The following OR52E4 variants were observed in gnomAD, a reference collection of about 807,000 sequenced individuals.
The protein encoded by OR52E4 is olfactory receptor family 52 subfamily E member 4, also known as olfactory receptor 52E4.
For missense variants in OR52E4, 444 were observed against 383.8 expected (o/e 1.16, Z -1.31); for synonymous variants, 169 against 137.4 (o/e 1.23, Z -1.61).
rs113763081 is a variant in OR52E4, at chr11:5,885,207, G to A, written c.915G>A (p.Val305=). ...VRTKQIREQI[V]KIFVQKE ...CCAAGCAGATCCGAGAGCAAATTGT[G>A]AAAATATTTGTACAGAAAGAATAAT... The change falls in exon 2 of 2, where the codon GTG becomes GTA. Residue 305 remains valine, a synonymous_variant. Transcript: ENST00000641726. 1,900 of 1,595,494 alleles carry A rather than the reference G, an allele frequency of 1.2e-3. 29 individuals carry two copies. The African/African-American group carries it at 0.022, about 19-fold the overall frequency.
chr11:5,880,905 C>A (rs1018187872), intron 1 of OR52E4, among the ~76,000 whole-genome samples, 191 bp downstream of exon 1: 4 of 140,700 alleles, frequency 2.8e-5, no homozygotes, highest in Non-Finnish European at 4.7e-5. Flanking sequence ...ATTAGTAATG[C>A]ACAGAATTTC....
Position 5,884,222 on chromosome 11 carries a change from C to T in OR52E4, c.-71C>T, listed in dbSNP as rs1847001623. 1 of 1,089,170 alleles carries T rather than the reference C, an allele frequency of 9.2e-7. No homozygotes were observed. Among genetic ancestry groups the T allele is most frequent in the Non-Finnish European group, 1.4e-6 (1 of 736,992 alleles). 67.5% of individuals were successfully genotyped at this position (1,089,170 alleles called of 1,614,324 possible). On this transcript the variant is annotated 5_prime_UTR_variant, in exon 2 of 2. Transcript: ENST00000641726. ...AAGAGTCTTTCTGTTTCTTCAGGAACTTGACAAGAGAGGACCTTAAAGAAA... is the reference window on the plus strand; with the variant it reads ...AAGAGTCTTTCTGTTTCTTCAGGAATTTGACAAGAGAGGACCTTAAAGAAA...
At chr11:5,882,649 A>G (rs1238631845) in intron 1 of OR52E4, among the ~76,000 whole-genome samples, 1 of 152,034 alleles carries the variant, frequency 6.6e-6, no homozygotes, top group Admixed American at 6.6e-5. Flanking sequence ...AGCCACGTAC[A>G]TAATAAAACA....
Position 5,884,199 on chromosome 11 carries a change from G to A in OR52E4, c.-74-20G>A. 1.2e-6 allele frequency: 1 copy of A among 842,842 alleles called. No homozygotes were observed. The highest frequency in any genetic ancestry group is 1.9e-6 in the Non-Finnish European group (1 of 516,230). 52.2% of individuals were successfully genotyped at this position (842,842 alleles called of 1,614,324 possible). ...ACCATTACCTCTAGCACACTGATAA[G>A]AGTCTTTCTGTTTCTTCAGGAACTT... On this transcript the variant is annotated intron_variant, in intron 1 of 1. Coordinates refer to ENST00000641726, the MANE Select transcript of OR52E4 (RefSeq NM_001005165.2).
intron 1 of OR52E4, 67 bp from the exon 2 acceptor site, chr11:5,884,152 T>A: frequency 1.6e-6 from 1 of 642,876 alleles, no homozygotes; most frequent in Non-Finnish European, 2.8e-6. Context: ...GAGTCTTGAA[T>A]GTTTGTAAAT....
At chr11:5,884,194 G>A (rs1335060043) in intron 1 of OR52E4, 25 bp from the exon 2 acceptor site, 3 of 823,948 alleles carry the variant, frequency 3.6e-6, no homozygotes, top group East Asian at 4.8e-5. Context: ...CTAGCACACT[G>A]ATAAGAGTCT....
At position 5,884,473 on chromosome 11, in the gene OR52E4, A is replaced by G. The variant is rs201137137; in HGVS notation, c.181A>G (p.Met61Val). ...AACTGAACATAGTCTACACCAGCCC[A>G]TGTTCTACTTCCTGGCCATGTTGTC... The part of the protein sequence containing the change: ...IKTEHSLHQP[M>V]FYFLAMLSMI... Residue 61 changes from methionine (M) to valine (V), a missense_variant, in exon 2 of 2, where the codon ATG becomes GTG. Met to Val is a conservative substitution (Grantham distance 21). Coordinates refer to ENST00000641726, the MANE Select transcript of OR52E4 (RefSeq NM_001005165.2). The G allele has an allele frequency of 6.2e-7, 1 of 1,613,532 alleles. No individual in the cohort carries two copies. Among genetic ancestry groups the G allele is most frequent in the South Asian group, 1.1e-5 (1 of 91,064 alleles).
Position 5,884,548 on chromosome 11 carries a change from A to C in OR52E4, c.256A>C (p.Ile86Leu). The part of the protein sequence containing the change: ...STSTIPKMLG[I>L]FWFNLQEISF... ...ATCCACTATCCCCAAAATGCTAGGA[A>C]TCTTCTGGTTCAACCTCCAAGAGAT... The change falls in exon 2 of 2, where the codon ATC becomes CTC. Residue 86 changes from isoleucine (I) to leucine (L), a missense_variant. By Grantham distance (5) the Ile-to-Leu change is conservative (BLOSUM62 2). Transcript: ENST00000641726. 2 of 1,613,444 alleles carry C rather than the reference A, an allele frequency of 1.2e-6. No individual in the cohort carries two copies. Among genetic ancestry groups the C allele is most frequent in the Admixed American group, 3.3e-5 (2 of 59,896 alleles).
At chr11:5,883,196 G>A (rs1472944976) in intron 1 of OR52E4, among the ~76,000 whole-genome samples, 1 of 151,932 alleles carries the variant, frequency 6.6e-6, no homozygotes, top group Non-Finnish European at 1.5e-5. Context: ...ATACACACAA[G>A]GCATTTTATT....
In OR52E4 at chr11:5,884,644, G is replaced by A. The variant is rs781100609; in HGVS notation, c.352G>A (p.Val118Met). Residue 118 changes from valine to methionine, a missense_variant, in exon 2 of 2, where the codon GTG becomes ATG. Physicochemically the swap from Val to Met is conservative, Grantham distance 21. Coordinates refer to ENST00000641726, the MANE Select transcript of OR52E4 (RefSeq NM_001005165.2). Reference sequence around the variant, plus strand: ...TACAGGCATGGAGACTGTTCTGTTGGTGGTCATGGCTTATGACCGCTTTGT... The same window carrying A: ...TACAGGCATGGAGACTGTTCTGTTGATGGTCATGGCTTATGACCGCTTTGT... ...MFTGMETVLLVVMAYDRFVAI... is the reference protein window; with the variant it reads ...MFTGMETVLLMVMAYDRFVAI... 8 of 1,613,372 alleles carry A rather than the reference G, an allele frequency of 5.0e-6. No homozygotes were observed. In the African/African-American group the frequency reaches 8.0e-5, roughly 16 times the overall value.
rs762064091 is a variant in OR52E4, at chr11:5,880,643, C to T, written c.-146C>T. ...AGAGGCTTCAAGGGGAACCTAATCA[C>T]GGTCTTTAAGAACCTGGACTCATGC... On this transcript the variant is annotated 5_prime_UTR_variant, in exon 1 of 2. It adds an upstream start codon to the 5' untranslated region. Coordinates refer to ENST00000641726, the MANE Select transcript of OR52E4 (RefSeq NM_001005165.2). 2 of 152,130 alleles carry T rather than the reference C, an allele frequency of 1.3e-5. No individual in the cohort carries two copies. Among genetic ancestry groups the T allele is most frequent in the Admixed American group, 6.6e-5 (1 of 15,244 alleles). 9.4% of individuals were successfully genotyped at this position (152,130 alleles called of 1,614,324 possible). A position where few individuals can be genotyped will look rare whatever the true frequency, so the allele number is the denominator to read the frequency against.
rs1421183869 is a variant in OR52E4 at position 5,884,079 on chromosome 11, T to C, written c.-74-140T>C. The C allele has an allele frequency of 7.9e-6, 4 of 506,610 alleles. No homozygotes were observed. The East Asian group carries it at 9.2e-5, about 12-fold the overall frequency. The allele number at this position is 506,610 out of a possible 1,614,324, so 31.4% of individuals were successfully genotyped here. Reference sequence around the variant, plus strand: ...ATAAAGCCATAAGCAATATTGCCTATGATGGATCTCAGAACAATAATCTGT... The same window carrying C: ...ATAAAGCCATAAGCAATATTGCCTACGATGGATCTCAGAACAATAATCTGT... On this transcript the variant is annotated intron_variant, in intron 1 of 1. Transcript: ENST00000641726.
chr11:5,886,463 A>G lies in OR52E4; in HGVS notation c.*1232A>G, dbSNP rs1847045719. The stretch of plus-strand genomic sequence containing the variant: ...ATCTGACAATTTCCCTTCAGACAAA[A>G]TATATAAAACTTATGAGACTTTATA... On this transcript the variant is annotated 3_prime_UTR_variant, in exon 2 of 2. Coordinates refer to ENST00000641726, the MANE Select transcript of OR52E4 (RefSeq NM_001005165.2). 1 of 152,036 alleles carries G rather than the reference A, an allele frequency of 6.6e-6. No individual in the cohort carries two copies. The highest frequency in any genetic ancestry group is 2.4e-5 in the African/African-American group (1 of 41,422). 9.4% of individuals were successfully genotyped at this position (152,036 alleles called of 1,614,324 possible). A position where few individuals can be genotyped will look rare whatever the true frequency, so the allele number is the denominator to read the frequency against.
intron 1 of OR52E4, among the ~76,000 whole-genome samples, chr11:5,881,337 C>T (rs1049632914): frequency 6.6e-6 from 1 of 152,070 alleles, no homozygotes; most frequent in African/African-American, 2.4e-5. Context: ...CGGACTGAAC[C>T]GCCAATGGCA....
At position 5,886,016 on chromosome 11, in the gene OR52E4, C is replaced by T. The variant is rs1000235808; in HGVS notation, c.*785C>T. 4.6e-5 allele frequency: 7 copies of T among 151,930 alleles called. No individual in the cohort carries two copies. Among genetic ancestry groups the T allele is most frequent in the African/African-American group, 1.5e-4 (6 of 41,354 alleles). 9.4% of individuals were successfully genotyped at this position (151,930 alleles called of 1,614,324 possible). A position where few individuals can be genotyped will look rare whatever the true frequency, so the allele number is the denominator to read the frequency against. On this transcript the variant is annotated 3_prime_UTR_variant, in exon 2 of 2. Coordinates refer to ENST00000641726, the MANE Select transcript of OR52E4 (RefSeq NM_001005165.2). ...GAAAAGACTAGATGGGCCTAGCCTC[C>T]CAGGCTACATCCTTCTCCTGTGCTG...
In OR52E4 at chr11:5,886,014, T is replaced by C. The variant is rs1270192326; in HGVS notation, c.*783T>C. ...GTGAAAAGACTAGATGGGCCTAGCC[T>C]CCCAGGCTACATCCTTCTCCTGTGC... On this transcript the variant is annotated 3_prime_UTR_variant, in exon 2 of 2. Coordinates refer to ENST00000641726, the MANE Select transcript of OR52E4 (RefSeq NM_001005165.2). 6.6e-6 allele frequency: 1 copy of C among 152,024 alleles called. No homozygotes were observed. The highest frequency in any genetic ancestry group is 1.5e-5 in the Non-Finnish European group (1 of 68,014). 9.4% of individuals were successfully genotyped at this position (152,024 alleles called of 1,614,324 possible).
At position 5,887,045 on chromosome 11, in the gene OR52E4, A is replaced by C. The variant is rs1040925246; in HGVS notation, c.*1814A>C. 5.3e-5 allele frequency: 8 copies of C among 152,124 alleles called. No homozygotes were observed. Among genetic ancestry groups the C allele is most frequent in the Admixed American group, 5.3e-4 (8 of 15,238 alleles). 9.4% of individuals were successfully genotyped at this position (152,124 alleles called of 1,614,324 possible). On this transcript the variant is annotated 3_prime_UTR_variant, in exon 2 of 2. Coordinates refer to ENST00000641726, the MANE Select transcript of OR52E4 (RefSeq NM_001005165.2). The stretch of plus-strand genomic sequence containing the variant: ...GGGTTTTAAATGTGGAAATACATTG[A>C]AACTTGATCTATTCCCTTTGTCTTA...
At chr11:5,880,873 T>TGGAACAGACATCCACA (rs71056718) in intron 1 of OR52E4, among the ~76,000 whole-genome samples, 159 bp downstream of exon 1, 1 of 151,858 alleles carries the variant, frequency 6.6e-6, no homozygotes, top group African/African-American at 2.4e-5. Context: ...CACATGGGAT[T>TGGAACAGACATCCACA]GGTGAGGGCA....
chr11:5,885,215 T>C lies in OR52E4; in HGVS notation c.923T>C (p.Phe308Ser), dbSNP rs367891501. The C allele has an allele frequency of 1.9e-6, 3 of 1,592,844 alleles. No homozygotes were observed. The highest frequency in any genetic ancestry group is 2.7e-5 in the African/African-American group (2 of 73,870). ...ATCCGAGAGCAAATTGTGAAAATAT[T>C]TGTACAGAAAGAATAATTCTGTATT... ...KQIREQIVKI[F>S]VQKE Residue 308 changes from phenylalanine (F) to serine (S), a missense_variant, in exon 2 of 2, where the codon TTT becomes TCT. Physicochemically the swap from Phe to Ser is radical, Grantham distance 155. Coordinates refer to ENST00000641726, the MANE Select transcript of OR52E4 (RefSeq NM_001005165.2).
Sources: allele counts gnomAD v4.1 joint callset (sites outside exome capture counted in the v4.1 genomes callset), GRCh38; gene constraint gnomAD v4.1.1; transcripts MANE v1.5; gene names NCBI Gene and HGNC (gene_info 2026-07-23, HGNC 2026-07-21).